The following TBCK variants were observed in gnomAD, a reference collection of about 807,000 sequenced individuals.
TBCK encodes the protein TBC1 domain containing kinase, also known as TBC domain-containing protein kinase-like protein.
In TBCK, 99 loss-of-function variants were observed where a neutral mutation model predicts 113.4. The ratio of observed to expected loss-of-function variants is 0.87; its 90% CI spans 0.74 to 1.03. The LOEUF is 1.03. TBCK is among the 50% of genes least tolerant of loss of function. The probability of loss-of-function intolerance (pLI) is 0.00; values close to 1 mark genes in which losing one functional copy is unlikely to be tolerated. For synonymous variants in TBCK, 369 were observed against 370.8 expected (o/e 1.00, Z 0.05); for missense variants, 1,045 against 1,061.3 (o/e 0.98, Z 0.21).
At chr4:106,052,792 A>G (rs1734952051) in intron 25 of TBCK, among the ~76,000 whole-genome samples, 1 of 151,716 alleles carries the variant, frequency 6.6e-6, no homozygotes, top group Non-Finnish European at 1.5e-5. Flanking sequence ...CAAGAAAGGT[A>G]TAACGAGCTG....
intron 23 of TBCK, among the ~76,000 whole-genome samples, chr4:106,145,082 G>A (rs1261617457): frequency 6.6e-6 from 1 of 150,814 alleles, no homozygotes; most frequent in Non-Finnish European, 1.5e-5. Context: ...CACTTTGGGA[G>A]GCCTAGGGGG....
intron 3 of TBCK, among the ~76,000 whole-genome samples, chr4:106,294,702 C>T (rs1176286562): frequency 2.6e-5 from 4 of 151,826 alleles, no homozygotes; most frequent in African/African-American, 7.3e-5. Context: ...AGGATGGTCT[C>T]GATCTCCTGA....
At chr4:106,314,069 C>T (rs1399772598) in intron 1 of TBCK, among the ~76,000 whole-genome samples, 1 of 152,140 alleles carries the variant, frequency 6.6e-6, no homozygotes, top group Non-Finnish European at 1.5e-5. Flanking sequence ...AGCCATAATA[C>T]TGTAAACATT....
At chr4:106,092,799 G>A (rs1740452936) in intron 25 of TBCK, among the ~76,000 whole-genome samples, 1 of 152,240 alleles carries the variant, frequency 6.6e-6, no homozygotes, top group Non-Finnish European at 1.5e-5. Flanking sequence ...CAGGCTGAGG[G>A]AGCTGGCTCC....
At chr4:106,046,813 C>T in intron 25 of TBCK, 133 bp from the exon 26 acceptor site, 1 of 506,334 alleles carries the variant, frequency 2.0e-6, no homozygotes, top group Non-Finnish European at 3.5e-6. Context: ...AATAAGTTGT[C>T]AACTTGGTTA....
chr4:106,301,201 T>G (rs3133173), intron 2 of TBCK, among the ~76,000 whole-genome samples: 13,156 of 151,732 alleles, frequency 0.087, 815 homozygotes, highest in East Asian at 0.28. Flanking sequence ...TCTGTTTCTC[T>G]TATGAAACTA....
At chr4:106,117,481 G>A (rs1743663356) in intron 23 of TBCK, among the ~76,000 whole-genome samples, 1 of 152,178 alleles carries the variant, frequency 6.6e-6, no homozygotes, top group African/African-American at 2.4e-5. Flanking sequence ...TCTTAACTGT[G>A]AAGGAGGTAA....
intron 23 of TBCK, among the ~76,000 whole-genome samples, chr4:106,169,105 G>C (rs1316138167): frequency 6.6e-6 from 1 of 152,060 alleles, no homozygotes; most frequent in African/African-American, 2.4e-5. Context: ...TCTTTGAAAA[G>C]AGACAATCAA....
In TBCK at chr4:106,092,082, A is replaced by T. The variant is rs181722259; in HGVS notation, c.2571+3400T>A. ...CTGGTGCATTTACAAACCTTGAGCT[A>T]GATACAGAGTGCCGATTGGTGTATT... On this transcript the variant is annotated intron_variant, in intron 25 of 25. Coordinates refer to ENST00000394708, the MANE Select transcript of TBCK (RefSeq NM_001163435.3). 3.0e-3 allele frequency among the ~76,000 whole-genome samples: 453 copies of T among 152,270 alleles called. 2 individuals carry two copies. The highest frequency in any genetic ancestry group is 7.3e-3 in the Admixed American group (111 of 15,308).
intron 23 of TBCK, among the ~76,000 whole-genome samples, chr4:106,149,155 T>C (rs1293425672): frequency 1.3e-5 from 2 of 152,252 alleles, no homozygotes; most frequent in Non-Finnish European, 2.9e-5. Flanking sequence ...GATTAGGCTT[T>C]GGCTTAAGGG....
chr4:106,123,985 G>A (rs1744808282), intron 23 of TBCK, among the ~76,000 whole-genome samples: 1 of 151,436 alleles, frequency 6.6e-6, no homozygotes, highest in Non-Finnish European at 1.5e-5. Flanking sequence ...GGCAACAAAA[G>A]ACAAAATTGA....
chr4:106,248,857 T>C (rs1236638185), intron 8 of TBCK, 64 bp downstream of exon 8: 1 of 1,321,078 alleles, frequency 7.6e-7, no homozygotes, highest in Non-Finnish European at 1.1e-6. Flanking sequence ...CTTTATAAGT[T>C]ACCCAATATC....
At chr4:106,104,616 G>A (rs1462270741) in intron 24 of TBCK, among the ~76,000 whole-genome samples, 2 of 151,834 alleles carry the variant, frequency 1.3e-5, no homozygotes, top group East Asian at 3.9e-4. Flanking sequence ...CCACAGCACA[G>A]CATAGATGCT....
chr4:106,299,225 A>G (rs1214615145), intron 2 of TBCK, among the ~76,000 whole-genome samples: 2 of 152,214 alleles, frequency 1.3e-5, no homozygotes, highest in African/African-American at 2.4e-5. Flanking sequence ...CAAAGGCATG[A>G]TGTGGCCATT....
chr4:106,162,858 G>T (rs1426810234), intron 23 of TBCK, among the ~76,000 whole-genome samples: 2 of 152,138 alleles, frequency 1.3e-5, no homozygotes, highest in Non-Finnish European at 2.9e-5. Flanking sequence ...TGCTGTGAAG[G>T]TCTCTGACAT....
At chr4:106,120,508 G>A (rs1372728690) in intron 23 of TBCK, among the ~76,000 whole-genome samples, 4 of 152,174 alleles carry the variant, frequency 2.6e-5, no homozygotes, top group East Asian at 3.9e-4. Flanking sequence ...CCACCTCTGG[G>A]GGCAGGGTAC....
intron 20 of TBCK, among the ~76,000 whole-genome samples, chr4:106,196,067 A>G (rs1754200505): frequency 6.6e-6 from 1 of 152,074 alleles, no homozygotes; most frequent in Admixed American, 6.6e-5. Context: ...CACTTAATTA[A>G]CAGGATGCTT....
chr4:106,227,141 G>A (rs1366106568), intron 19 of TBCK, among the ~76,000 whole-genome samples: 1 of 151,916 alleles, frequency 6.6e-6, no homozygotes, highest in African/African-American at 2.4e-5. Flanking sequence ...ACACATCTAT[G>A]TCAAACCAAA....
chr4:106,259,262 T>TA (rs902019501), intron 5 of TBCK, among the ~76,000 whole-genome samples: 21 of 149,444 alleles, frequency 1.4e-4, no homozygotes, highest in Non-Finnish European at 2.2e-4. Context: ...AGGCTGGCTT[T>TA]AAAAAAAAAA....
Sources: allele counts gnomAD v4.1 joint callset (sites outside exome capture counted in the v4.1 genomes callset), GRCh38; gene constraint gnomAD v4.1.1; transcripts MANE v1.5; gene names NCBI Gene and HGNC (gene_info 2026-07-23, HGNC 2026-07-21).